Variants in MED12L observed in about 807,000 individuals in gnomAD.
MED12L encodes the protein mediator of RNA polymerase II transcription subunit 12-like protein.
A neutral mutation model predicts 281.3 loss-of-function variants in MED12L; 60 were observed. That is an observed-to-expected ratio of 0.21 (90% CI 0.17 to 0.26). The LOEUF is 0.26. Among genes scored for constraint, MED12L ranks in the 10% least tolerant of loss-of-function variants. MED12L has a pLI of 1.00. For missense variants in MED12L, 2,146 were observed against 2,680.9 expected (o/e 0.80, Z 4.41); for synonymous variants, 974 against 987.2 (o/e 0.99, Z 0.25).
intron 5 of MED12L, among the ~76,000 whole-genome samples, chr3:151,135,704 G>C (rs1716048500): frequency 6.6e-6 from 1 of 152,154 alleles, no homozygotes; most frequent in South Asian, 2.1e-4. Context: ...GAGGCAACAA[G>C]CATCTCTAGG....
chr3:151,234,113 C>T (rs1228071014), intron 16 of MED12L, among the ~76,000 whole-genome samples: 1 of 152,162 alleles, frequency 6.6e-6, no homozygotes, highest in Non-Finnish European at 1.5e-5. Context: ...CAGATGCATG[C>T]CAGGAAGCAT....
intron 5 of MED12L, among the ~76,000 whole-genome samples, chr3:151,148,469 A>T (rs987436317): frequency 6.6e-6 from 1 of 152,226 alleles, no homozygotes; most frequent in Non-Finnish European, 1.5e-5. Context: ...TCTCTCATTC[A>T]GTCTGCACCA....
intron 16 of MED12L, among the ~76,000 whole-genome samples, chr3:151,201,214 C>T (rs1009455666): frequency 3.3e-5 from 5 of 149,660 alleles, no homozygotes; most frequent in South Asian, 2.1e-4. Flanking sequence ...CATACAACCA[C>T]GTGCACACAC....
At chr3:151,209,419 G>A (rs775892617) in intron 16 of MED12L, among the ~76,000 whole-genome samples, 2 of 152,198 alleles carry the variant, frequency 1.3e-5, no homozygotes, top group Non-Finnish European at 1.5e-5. Flanking sequence ...AAAGTGACCT[G>A]TGGGAAAGAA....
chr3:151,240,126 A>T (rs372244508), intron 16 of MED12L, among the ~76,000 whole-genome samples: 166 of 151,638 alleles, frequency 1.1e-3, no homozygotes, highest in African/African-American at 3.8e-3. Context: ...AACTGTCAGG[A>T]CCATTGTTCT....
chr3:151,430,449 A>T, intron 44 of MED12L, 69 bp downstream of exon 44: 6 of 1,601,794 alleles, frequency 3.7e-6, no homozygotes, highest in Non-Finnish European at 5.1e-6. Flanking sequence ...CGAAACGTAA[A>T]GTGGCGGCTC....
chr3:151,391,451 G>C (rs1274447303), intron 38 of MED12L, among the ~76,000 whole-genome samples: 4 of 151,642 alleles, frequency 2.6e-5, no homozygotes, highest in African/African-American at 4.8e-5. Context: ...CCCCTTCCCT[G>C]TACCCTCTGT....
chr3:151,291,057 T>C (rs573608919), intron 16 of MED12L, among the ~76,000 whole-genome samples: 1 of 152,314 alleles, frequency 6.6e-6, no homozygotes, highest in South Asian at 2.1e-4. Flanking sequence ...GTGCTTAGTA[T>C]TTATTGATAA....
chr3:151,109,165 C>T (rs1043759630), intron 2 of MED12L, among the ~76,000 whole-genome samples: 3 of 151,702 alleles, frequency 2.0e-5, no homozygotes, highest in Admixed American at 1.3e-4. Flanking sequence ...TCAAGTGATT[C>T]TCCTGCCTCC....
chr3:151,113,178 G>C (rs1576752213), intron 2 of MED12L, among the ~76,000 whole-genome samples: 1 of 152,224 alleles, frequency 6.6e-6, no homozygotes, highest in South Asian at 2.1e-4. Flanking sequence ...CATTGAGAAT[G>C]TGAAATTTGA....
At chr3:151,403,660 C>T (rs1715962232) in intron 39 of MED12L, among the ~76,000 whole-genome samples, 1 of 152,094 alleles carries the variant, frequency 6.6e-6, no homozygotes, top group Non-Finnish European at 1.5e-5. Context: ...GTTTCTGTAT[C>T]AGGTAGCCAA....
chr3:151,396,069 C>T (rs1214485261), intron 39 of MED12L, among the ~76,000 whole-genome samples: 1 of 152,120 alleles, frequency 6.6e-6, no homozygotes, highest in Non-Finnish European at 1.5e-5. Context: ...GCTTTAGCTC[C>T]CTGAGTGTCA....
chr3:151,164,114 C>A, intron 9 of MED12L, 72 bp downstream of exon 9: 2 of 1,527,162 alleles, frequency 1.3e-6, no homozygotes, highest in Non-Finnish European at 1.8e-6. Context: ...GTGGGTCAAG[C>A]ACAGGTTTTA....
chr3:151,215,274 G>C (rs1238057168), intron 16 of MED12L, among the ~76,000 whole-genome samples: 3 of 152,012 alleles, frequency 2.0e-5, no homozygotes, highest in Non-Finnish European at 2.9e-5. Flanking sequence ...GCCATGTGTG[G>C]GTATTGAGCA....
At chr3:151,366,544 A>G (rs1755299076) in intron 23 of MED12L, among the ~76,000 whole-genome samples, 1 of 152,212 alleles carries the variant, frequency 6.6e-6, no homozygotes, top group African/African-American at 2.4e-5. Flanking sequence ...CTTGGATATC[A>G]TGTTGCATCC....
intron 16 of MED12L, among the ~76,000 whole-genome samples, chr3:151,243,952 G>A (rs1734793646): frequency 6.8e-6 from 1 of 147,196 alleles, no homozygotes; most frequent in Non-Finnish European, 1.5e-5. Context: ...ACAAAAAAAG[G>A]CAGGGGTTGC....
Position 151,177,134 on chromosome 3 carries a change from A to G in MED12L, c.1495-8196A>G, listed in dbSNP as rs1419156840. On this transcript the variant is annotated intron_variant, in intron 11 of 44. Coordinates refer to ENST00000687756, the MANE Select transcript of MED12L (RefSeq NM_001393769.1). ...CTGTGGTTTTATTTTCTGTGTATCA[A>G]TTAGATTAGAAGTCCAGCTTGTCCC... Among the ~76,000 whole-genome samples, 3 of 152,206 alleles carry G rather than the reference A, an allele frequency of 2.0e-5. No homozygotes were observed. The East Asian group carries it at 5.8e-4, about 29-fold the overall frequency.
chr3:151,109,798 C>A (rs917793912), intron 2 of MED12L, among the ~76,000 whole-genome samples: 4 of 152,148 alleles, frequency 2.6e-5, no homozygotes, highest in African/African-American at 9.7e-5. Context: ...TTTATTTTTT[C>A]TCTTACTTTC....
intron 41 of MED12L, among the ~76,000 whole-genome samples, chr3:151,411,980 A>G (rs1206983407): frequency 1.3e-5 from 2 of 152,208 alleles, no homozygotes; most frequent in African/African-American, 4.8e-5. Flanking sequence ...CCTCAAAGAT[A>G]TTTGGCAAAA....
Sources: gnomAD v4.1 joint callset for allele counts (sites outside exome capture counted in the v4.1 genomes callset) on GRCh38, gnomAD v4.1.1 for gene constraint, MANE v1.5 for transcripts, NCBI Gene and HGNC (gene_info 2026-07-23, HGNC 2026-07-21) for gene names.